The following PPP1R12A variants were observed in gnomAD, a reference collection of about 807,000 sequenced individuals.
PPP1R12A encodes myosin binding subunit.
Under a neutral mutation model 139.6 loss-of-function variants are expected in PPP1R12A, and 19 were observed. The observed-to-expected ratio is 0.14, with a 90% CI of 0.09 to 0.20. The LOEUF (loss-of-function observed/expected upper bound fraction) is 0.20. PPP1R12A is among the 10% of genes least tolerant of loss of function. The probability of loss-of-function intolerance (pLI) is 1.00; values close to 1 mark genes in which losing one functional copy is unlikely to be tolerated. For missense variants in PPP1R12A, 925 were observed against 1,211.5 expected (o/e 0.76, Z 3.51); for synonymous variants, 427 against 420.6 (o/e 1.02, Z -0.19).
chr12:79,932,238 C>G (rs955433732), intron 1 of PPP1R12A, among the ~76,000 whole-genome samples: 3 of 152,128 alleles, frequency 2.0e-5, no homozygotes, highest in African/African-American at 7.2e-5. Context: ...GTATGGAAAA[C>G]AAGCTAAGTT....
At chr12:79,842,016 T>C (rs1351084629) in intron 3 of PPP1R12A, among the ~76,000 whole-genome samples, 3 of 152,174 alleles carry the variant, frequency 2.0e-5, no homozygotes, top group African/African-American at 7.2e-5. Context: ...AGATAGTTTT[T>C]TTTTTAAACA....
rs775122997 is a variant in PPP1R12A, at chr12:79,934,965, G to A, written c.-34C>T. On this transcript the variant is annotated 5_prime_UTR_variant, in exon 1 of 25. Coordinates refer to ENST00000450142, the MANE Select transcript of PPP1R12A (RefSeq NM_002480.3). ...CTGCCGCCGGGTCTTCTTATCGCGAGGGGGGGAAGGGGGAGGCGGAGAGGG... is the reference window on the plus strand; with the variant it reads ...CTGCCGCCGGGTCTTCTTATCGCGAAGGGGGGAAGGGGGAGGCGGAGAGGG... The A allele has an allele frequency of 1.0e-5, 16 of 1,543,352 alleles. No homozygotes were observed. Among genetic ancestry groups the A allele is most frequent in the East Asian group, 4.8e-5 (2 of 41,558 alleles).
At chr12:79,935,458 C>T (rs1043362859), upstream of PPP1R12A, 3 of 987,860 alleles carry the variant, frequency 3.0e-6, no homozygotes, top group Non-Finnish European at 3.6e-6. Context: ...GCAGATCTGC[C>T]TCCCGTGCTG....
Position 79,935,025 on chromosome 12 carries a change from T to C in PPP1R12A, c.-94A>G. ...GAGGCAGGGGGTGTGTGAATGTTTC[T>C]ATGAGTGCGGGCCAGAGGAGGGCTG... On this transcript the variant is annotated 5_prime_UTR_variant, in exon 1 of 25. In the 5' UTR this introduces an upstream ATG that the reference lacks. Coordinates refer to ENST00000450142, the MANE Select transcript of PPP1R12A (RefSeq NM_002480.3). 2 of 1,465,980 alleles carry C rather than the reference T, an allele frequency of 1.4e-6. No homozygotes were observed. Among genetic ancestry groups the C allele is most frequent in the South Asian group, 1.4e-5 (1 of 72,608 alleles). The allele number at this position is 1,465,980 out of a possible 1,614,324, so 90.8% of individuals were successfully genotyped here. A position where few individuals can be genotyped will look rare whatever the true frequency, so the allele number is the denominator to read the frequency against.
intron 13 of PPP1R12A, 149 bp from the exon 14 acceptor site, chr12:79,805,917 C>G (rs970977917): frequency 1.2e-5 from 12 of 987,526 alleles, no homozygotes; most frequent in Admixed American, 2.9e-5. Context: ...AACCAAAAAG[C>G]TCACCCAGAG....
intron 4 of PPP1R12A, among the ~76,000 whole-genome samples, chr12:79,830,458 C>T (rs900266304): frequency 1.3e-5 from 2 of 152,092 alleles, no homozygotes; most frequent in African/African-American, 2.4e-5. Flanking sequence ...GCTGCTAGCA[C>T]GTATCTTACT....
chr12:79,814,122 T>C (rs1338681027), intron 9 of PPP1R12A, among the ~76,000 whole-genome samples: 9 of 152,168 alleles, frequency 5.9e-5, no homozygotes, highest in African/African-American at 2.2e-4. Flanking sequence ...CTAAATTAGA[T>C]ACAGGAGTAT....
At chr12:79,785,539 T>G (rs1437891025) in intron 22 of PPP1R12A, among the ~76,000 whole-genome samples, 4 of 152,216 alleles carry the variant, frequency 2.6e-5, no homozygotes, top group African/African-American at 9.6e-5. Context: ...GGATATGCTG[T>G]TTTTAGATCC....
intron 2 of PPP1R12A, among the ~76,000 whole-genome samples, chr12:79,869,398 A>C (rs1882321934): frequency 6.6e-6 from 1 of 152,204 alleles, no homozygotes; most frequent in Non-Finnish European, 1.5e-5. Context: ...TGCACATATC[A>C]ATAGGGATGA....
chr12:79,900,695 G>T (rs1885555526), intron 1 of PPP1R12A, among the ~76,000 whole-genome samples: 1 of 151,938 alleles, frequency 6.6e-6, no homozygotes, highest in African/African-American at 2.4e-5. Flanking sequence ...CATGACTTTG[G>T]GGTGTATACA....
chr12:79,829,823 G>A (rs369457838), intron 4 of PPP1R12A, among the ~76,000 whole-genome samples: 81 of 151,764 alleles, frequency 5.3e-4, no homozygotes, highest in Non-Finnish European at 9.9e-4. Flanking sequence ...TCTGTGTGGC[G>A]AGAAAAAAAG....
At position 79,934,959 on chromosome 12, in the gene PPP1R12A, T is replaced by C. The variant is rs559488585; in HGVS notation, c.-28A>G. On this transcript the variant is annotated 5_prime_UTR_variant, in exon 1 of 25. Transcript: ENST00000450142. ...CCTCTCCTGCCGCCGGGTCTTCTTA[T>C]CGCGAGGGGGGGAAGGGGGAGGCGG... The C allele has an allele frequency of 4.3e-5, 67 of 1,557,116 alleles. No homozygotes were observed. In the South Asian group the frequency reaches 4.7e-4, roughly 11 times the overall value.
rs1888567114 is a variant in PPP1R12A at position 79,935,095 on chromosome 12, A to T, written c.-164T>A. 1 of 1,369,952 alleles carries T rather than the reference A, an allele frequency of 7.3e-7. No individual in the cohort carries two copies. The allele number at this position is 1,369,952 out of a possible 1,614,324, so 84.9% of individuals were successfully genotyped here. A position where few individuals can be genotyped will look rare whatever the true frequency, so the allele number is the denominator to read the frequency against. On this transcript the variant is annotated 5_prime_UTR_variant, in exon 1 of 25. Transcript: ENST00000450142. ...CGAGACTTCCAGTATCCCACAGAGC[A>T]CTGGGGCGGCGCACCCGGCCGAGCG... is the stretch of plus-strand genomic sequence containing the variant.
rs377244837 is a variant in PPP1R12A at position 79,820,878 on chromosome 12, A to G, written c.1010T>C (p.Leu337Pro). The change falls in exon 8 of 25, where the codon CTG becomes CCG. Residue 337 changes from leucine (L) to proline (P), a missense_variant. By Grantham distance (98) the Leu-to-Pro change is moderately conservative (BLOSUM62 -3). This residue lies in a region of PPP1R12A where 403 missense variants were observed against 463.7 expected (regional missense o/e 0.87). Transcript: ENST00000450142. ...TTCTTCATCAACCTTTTCTTGTTCC[A>G]GAGATTCAATACGGGATGCATTTTT... ...PEKNASRIES[L>P]EQEKVDEEEE... The G allele has an allele frequency of 1.5e-4, 249 of 1,613,576 alleles. No homozygotes were observed. Among genetic ancestry groups the G allele is most frequent in the Non-Finnish European group, 1.9e-4 (225 of 1,179,788 alleles).
At chr12:79,901,149 A>G (rs1885605154) in intron 1 of PPP1R12A, among the ~76,000 whole-genome samples, 1 of 152,228 alleles carries the variant, frequency 6.6e-6, no homozygotes, top group Admixed American at 6.5e-5. Flanking sequence ...TCGGGAACCA[A>G]TTAGGATAAG....
At chr12:79,899,187 T>A (rs1296058414) in intron 1 of PPP1R12A, among the ~76,000 whole-genome samples, 1 of 151,232 alleles carries the variant, frequency 6.6e-6, no homozygotes, top group Non-Finnish European at 1.5e-5. Flanking sequence ...TATTTCATTT[T>A]CTTTTGATGC....
rs2136992710 is a variant in PPP1R12A at position 79,935,090 on chromosome 12, A to G, written c.-159T>C. ...ACGCTCGAGACTTCCAGTATCCCACAGAGCACTGGGGCGGCGCACCCGGCC... is the reference window on the plus strand; with the variant it reads ...ACGCTCGAGACTTCCAGTATCCCACGGAGCACTGGGGCGGCGCACCCGGCC... On this transcript the variant is annotated 5_prime_UTR_variant, in exon 1 of 25. Coordinates refer to ENST00000450142, the MANE Select transcript of PPP1R12A (RefSeq NM_002480.3). 2 of 1,389,460 alleles carry G rather than the reference A, an allele frequency of 1.4e-6. No homozygotes were observed. The highest frequency in any genetic ancestry group is 5.7e-5 in the East Asian group (2 of 35,192). 86.1% of individuals were successfully genotyped at this position (1,389,460 alleles called of 1,614,324 possible).
chr12:79,806,199 G>A lies in PPP1R12A; in HGVS notation c.1790C>T (p.Thr597Ile), dbSNP rs2137058522. The A allele has an allele frequency of 6.2e-7, 1 of 1,613,962 alleles. No individual in the cohort carries two copies. Among genetic ancestry groups the A allele is most frequent in the Middle Eastern group, 1.6e-4 (1 of 6,062 alleles). Residue 597 changes from threonine (T) to isoleucine (I), a missense_variant, in exon 13 of 25, where the codon ACA becomes ATA. Thr to Ile is a moderately conservative substitution (Grantham distance 89). Transcript: ENST00000450142. ...TGTGCCTGCTGAGGAAGAACCCGTT[G>A]TAATCTTTGTAGTAGTGCTTGTGCT... is the stretch of plus-strand genomic sequence containing the variant. ...LSSTSTTTKI[T>I]TGSSSAGTQS...
intron 22 of PPP1R12A, among the ~76,000 whole-genome samples, chr12:79,783,034 G>A (rs1214641912): frequency 6.6e-6 from 1 of 152,032 alleles, no homozygotes; most frequent in African/African-American, 2.4e-5. Context: ...AACATTTAAA[G>A]AACTAATCAT....
Sources: allele counts gnomAD v4.1 joint callset (sites outside exome capture counted in the v4.1 genomes callset), GRCh38; gene constraint gnomAD v4.1.1; regional missense constraint gnomAD v4.1.1; transcripts MANE v1.5; gene names NCBI Gene and HGNC (gene_info 2026-07-23, HGNC 2026-07-21).